LRRC7: variants seen among roughly 807,000 people sequenced by gnomAD.
LRRC7 encodes leucine-rich repeat-containing protein 7.
LRRC7 carries 23 observed loss-of-function variants against 175.7 expected under a neutral mutation model. The observed-to-expected ratio is 0.13, with a 90% CI of 0.09 to 0.19. The LOEUF (loss-of-function observed/expected upper bound fraction) is 0.19. Among genes scored for constraint, LRRC7 ranks in the 10% least tolerant of loss-of-function variants. The probability of loss-of-function intolerance (pLI) is 1.00; values close to 1 mark genes in which losing one functional copy is unlikely to be tolerated. For synonymous variants in LRRC7, 685 were observed against 680.9 expected (o/e 1.01, Z -0.09); for missense variants, 1,354 against 1,904.7 (o/e 0.71, Z 5.38).
chr1:69,968,799 T>G (rs1257643049), intron 8 of LRRC7, among the ~76,000 whole-genome samples: 6 of 151,578 alleles, frequency 4.0e-5, no homozygotes, highest in Admixed American at 3.3e-4. Flanking sequence ...CTTTGTGGGG[T>G]TTTTTTGTTT....
intron 2 of LRRC7, among the ~76,000 whole-genome samples, chr1:69,693,832 T>C (rs1027159549): frequency 2.0e-5 from 3 of 152,226 alleles, no homozygotes; most frequent in African/African-American, 7.2e-5. Context: ...CCATAGTCAA[T>C]CTCTTTCTTT....
At chr1:69,957,265 CT>C (rs1302516875) in intron 8 of LRRC7, among the ~76,000 whole-genome samples, 2 of 151,786 alleles carry the variant, frequency 1.3e-5, no homozygotes, top group African/African-American at 4.8e-5. Flanking sequence ...TTGCCTGCCT[CT>C]AATGAAGTAT....
chr1:69,952,997 C>CAAAAAA (rs61277479), intron 8 of LRRC7, among the ~76,000 whole-genome samples: 5 of 56,960 alleles, frequency 8.8e-5, no homozygotes, highest in Admixed American at 2.0e-4. Context: ...AGAGACAAGG[C>CAAAAAA]AAAAAAAAAA....
chr1:69,980,782 C>T (rs1274458476), intron 9 of LRRC7, among the ~76,000 whole-genome samples: 1 of 151,774 alleles, frequency 6.6e-6, no homozygotes, highest in East Asian at 1.9e-4. Flanking sequence ...TATATAATAC[C>T]AAGTTTTATT....
At chr1:70,072,353 T>C (rs1022093417) in intron 23 of LRRC7, among the ~76,000 whole-genome samples, 3 of 152,212 alleles carry the variant, frequency 2.0e-5, no homozygotes, top group African/African-American at 7.2e-5. Flanking sequence ...TTTTCATCAG[T>C]TCTTTGAACT....
rs1666891500 is a variant in LRRC7, at chr1:70,136,745, T to TC, written c.*14859dup. On this transcript the variant is annotated 3_prime_UTR_variant, in exon 27 of 27. Transcript: ENST00000651989. ...CCTTTTTTTTTTTTTTTTTTTTTTT[T>TC]CTGAGACAGGGTCTTGCTCTGTCAC... Among the ~76,000 whole-genome samples, 1 of 143,588 alleles carries TC rather than the reference T, an allele frequency of 7.0e-6. No homozygotes were observed. Among genetic ancestry groups the TC allele is most frequent in the East Asian group, 2.0e-4 (1 of 5,084 alleles). The allele number at this position is 143,588 out of a possible 152,430, so 94.2% of individuals were successfully genotyped here. A position where few individuals can be genotyped will look rare whatever the true frequency, so the allele number is the denominator to read the frequency against.
At position 69,604,312 on chromosome 1, in the gene LRRC7, A is replaced by G. The variant is rs533615112; in HGVS notation, c.2+35671A>G. Among the ~76,000 whole-genome samples, 8 of 152,280 alleles carry G rather than the reference A, an allele frequency of 5.3e-5. No individual in the cohort carries two copies. In the South Asian group the frequency reaches 1.7e-3, roughly 32 times the overall value. On this transcript the variant is annotated intron_variant, in intron 1 of 26. Transcript: ENST00000651989. Reference sequence around the variant, plus strand: ...TAATGCTACAAAGTTAAATGCTACCATTTTATTTTTGGTCTTCAAAACAAA... The same window carrying G: ...TAATGCTACAAAGTTAAATGCTACCGTTTTATTTTTGGTCTTCAAAACAAA...
Position 70,021,068 on chromosome 1 carries a change from T to C in LRRC7, c.1484T>C (p.Met495Thr). The change falls in exon 16 of 27, where the codon ATG (methionine) becomes ACG (threonine). Residue 495 changes from methionine (M) to threonine (T), a missense_variant. Met to Thr is a moderately conservative substitution (Grantham distance 81). Around this residue, in one of 4 missense-constraint regions of LRRC7, gnomAD observed 1,032 missense variants for 1,227.2 expected, o/e 0.84. Coordinates refer to ENST00000651989, the MANE Select transcript of LRRC7 (RefSeq NM_001370785.2). ...TGGGAAGAGCAGAGACAACAACGCA[T>C]GACTGTTGCCTTTGAATTTGAAGAC... is the stretch of plus-strand genomic sequence containing the variant. ...TLWEEQRQQR[M>T]TVAFEFEDKK... is the part of the protein sequence containing the mutation. 1 of 1,612,940 alleles carries C rather than the reference T, an allele frequency of 6.2e-7. No homozygotes were observed. Among genetic ancestry groups the C allele is most frequent in the Non-Finnish European group, 8.5e-7 (1 of 1,179,138 alleles).
chr1:69,886,165 G>A (rs1457158769), intron 7 of LRRC7, among the ~76,000 whole-genome samples: 9 of 151,942 alleles, frequency 5.9e-5, no homozygotes, highest in African/African-American at 1.9e-4. Context: ...CAATTCCTGG[G>A]TATCCTTGTT....
rs1474005389 is a variant in LRRC7 at position 70,038,824 on chromosome 1, C to A, written c.3000C>A (p.Asn1000Lys). 1 of 1,613,896 alleles carries A rather than the reference C, an allele frequency of 6.2e-7. No individual in the cohort carries two copies. The highest frequency in any genetic ancestry group is 8.5e-7 in the Non-Finnish European group (1 of 1,180,000). The change falls in exon 21 of 27, where the codon AAC becomes AAA. Residue 1000 changes from asparagine (N) to lysine (K), a missense_variant. Physicochemically the swap from Asn to Lys is moderately conservative, Grantham distance 94. This residue lies in a region of LRRC7 where 1,032 missense variants were observed against 1,227.2 expected (regional missense o/e 0.84). Coordinates refer to ENST00000651989, the MANE Select transcript of LRRC7 (RefSeq NM_001370785.2). ...EIDIGTYKVY[N>K]IPLENYASGS... ...ACATTGGTACATATAAGGTGTATAA[C>A]ATACCATTAGAAAACTATGCTTCTG...
At chr1:69,913,724 G>C (rs2101710445) in intron 7 of LRRC7, among the ~76,000 whole-genome samples, 1 of 152,176 alleles carries the variant, frequency 6.6e-6, no homozygotes, top group Admixed American at 6.5e-5. Flanking sequence ...TGTTGGCCAG[G>C]CTGGTCTCAA....
intron 8 of LRRC7, among the ~76,000 whole-genome samples, chr1:69,976,384 C>T (rs1254465418): frequency 6.6e-6 from 1 of 152,202 alleles, no homozygotes; most frequent in African/African-American, 2.4e-5. Context: ...TTTCTGCCTG[C>T]TTTATATTCG....
At chr1:69,670,295 G>A (rs190190510) in intron 1 of LRRC7, among the ~76,000 whole-genome samples, 88 of 152,300 alleles carry the variant, frequency 5.8e-4, no homozygotes, top group African/African-American at 2.0e-3. Context: ...GGGAGAACCC[G>A]AAGTTCATTA....
At chr1:69,936,970 T>C (rs953860169) in intron 8 of LRRC7, among the ~76,000 whole-genome samples, 4 of 152,168 alleles carry the variant, frequency 2.6e-5, no homozygotes, top group Non-Finnish European at 5.9e-5. Flanking sequence ...CAGTCCACCA[T>C]TGATAGGCAT....
At chr1:69,980,657 C>T (rs922389381) in intron 9 of LRRC7, among the ~76,000 whole-genome samples, 5 of 151,714 alleles carry the variant, frequency 3.3e-5, no homozygotes, top group Non-Finnish European at 4.4e-5. Context: ...GTATACAAAA[C>T]GTAAGAAAGA....
intron 23 of LRRC7, among the ~76,000 whole-genome samples, chr1:70,058,424 A>C (rs1374793984): frequency 6.6e-6 from 1 of 152,218 alleles, no homozygotes; most frequent in Admixed American, 6.5e-5. Flanking sequence ...TATTATATGA[A>C]TACTTTAAGA....
chr1:70,102,917 C>A (rs1266961616), intron 25 of LRRC7, among the ~76,000 whole-genome samples: 1 of 151,934 alleles, frequency 6.6e-6, no homozygotes, highest in Non-Finnish European at 1.5e-5. Context: ...GTGTGGTAGA[C>A]AGAAAAAATG....
intron 11 of LRRC7, among the ~76,000 whole-genome samples, chr1:69,996,953 G>T (rs575041145): frequency 3.3e-5 from 5 of 152,306 alleles, no homozygotes; most frequent in African/African-American, 1.2e-4. Flanking sequence ...TTGGTAGCTT[G>T]ATGGGGATGG....
At chr1:69,907,729 G>A (rs755506021) in intron 7 of LRRC7, among the ~76,000 whole-genome samples, 1 of 151,922 alleles carries the variant, frequency 6.6e-6, no homozygotes, top group African/African-American at 2.4e-5. Flanking sequence ...TCTCTTTTTT[G>A]GTTGTGTCTC....
Sources: allele counts gnomAD v4.1 joint callset (sites outside exome capture counted in the v4.1 genomes callset), GRCh38; gene constraint gnomAD v4.1.1; regional missense constraint gnomAD v4.1.1; transcripts MANE v1.5; gene names NCBI Gene and HGNC (gene_info 2026-07-23, HGNC 2026-07-21).